The following SLC44A1 variants were observed in gnomAD, a reference collection of about 807,000 sequenced individuals.
The protein encoded by SLC44A1 is solute carrier family 44 member 1.
Under a neutral mutation model 79.3 loss-of-function variants are expected in SLC44A1, and 26 were observed. The observed-to-expected ratio is 0.33, with a 90% CI of 0.24 to 0.46. The LOEUF is 0.46. Among genes scored for constraint, SLC44A1 ranks in the 20% least tolerant of loss-of-function variants. SLC44A1 has a pLI of 1.00. For missense variants in SLC44A1, 688 were observed against 798.1 expected (o/e 0.86, Z 1.66); for synonymous variants, 263 against 286.2 (o/e 0.92, Z 0.82).
At chr9:105,250,022 A>G (rs922063015) in intron 1 of SLC44A1, among the ~76,000 whole-genome samples, 2 of 151,424 alleles carry the variant, frequency 1.3e-5, no homozygotes, top group East Asian at 3.9e-4. Flanking sequence ...GCACGAGCTC[A>G]CGCCTGGCTA....
intron 1 of SLC44A1, among the ~76,000 whole-genome samples, chr9:105,285,146 T>C (rs1397555934): frequency 6.6e-6 from 1 of 152,232 alleles, no homozygotes; most frequent in Non-Finnish European, 1.5e-5. Flanking sequence ...ATATTGTGTT[T>C]AATCACTCAT....
intron 1 of SLC44A1, among the ~76,000 whole-genome samples, chr9:105,280,574 TCCA>T (rs1564412091): frequency 2.0e-5 from 3 of 152,314 alleles, no homozygotes; most frequent in African/African-American, 7.2e-5. Flanking sequence ...CAAAATAAAT[TCCA>T]TGAAACCATA....
intron 4 of SLC44A1, among the ~76,000 whole-genome samples, chr9:105,339,243 A>G (rs1009973631): frequency 2.0e-5 from 3 of 151,946 alleles, no homozygotes; most frequent in Non-Finnish European, 4.4e-5. Flanking sequence ...AAAAAAAAAC[A>G]CTGAAAATCA....
At chr9:105,387,714 G>A (rs985150853) in intron 15 of SLC44A1, among the ~76,000 whole-genome samples, 2 of 152,074 alleles carry the variant, frequency 1.3e-5, no homozygotes, top group African/African-American at 4.8e-5. Context: ...GAAATATTTC[G>A]AGGTTGAAGA....
chr9:105,284,743 A>G (rs1198298106), intron 1 of SLC44A1, among the ~76,000 whole-genome samples: 1 of 152,202 alleles, frequency 6.6e-6, no homozygotes, highest in Non-Finnish European at 1.5e-5. Context: ...GAAGTGGCCA[A>G]TGTGGACCCT....
chr9:105,318,205 A>G (rs1050438955), intron 3 of SLC44A1, among the ~76,000 whole-genome samples: 1 of 151,210 alleles, frequency 6.6e-6, no homozygotes, highest in African/African-American at 2.5e-5. Context: ...TTTGAGATGG[A>G]GTCTCGCCCT....
At chr9:105,349,592 G>A (rs565280196) in intron 5 of SLC44A1, among the ~76,000 whole-genome samples, 2 of 152,224 alleles carry the variant, frequency 1.3e-5, no homozygotes, top group Admixed American at 1.3e-4. Flanking sequence ...CAACAGCTAC[G>A]GAGATTACAT....
chr9:105,262,024 TC>T (rs1254142099), intron 1 of SLC44A1, among the ~76,000 whole-genome samples: 1 of 152,076 alleles, frequency 6.6e-6, no homozygotes, highest in East Asian at 1.9e-4. Flanking sequence ...CCTCAGGTGA[TC>T]CGCCTGCGTT....
chr9:105,271,682 C>T (rs1320539315), intron 1 of SLC44A1, among the ~76,000 whole-genome samples: 1 of 152,082 alleles, frequency 6.6e-6, no homozygotes, highest in Non-Finnish European at 1.5e-5. Context: ...GGTGCAATCT[C>T]AGCACACGGC....
At chr9:105,371,340 C>T (rs548193687) in intron 12 of SLC44A1, among the ~76,000 whole-genome samples, 66 of 152,290 alleles carry the variant, frequency 4.3e-4, no homozygotes, top group Middle Eastern at 3.4e-3. Flanking sequence ...GGATCTTTCA[C>T]GACGGCACAG....
chr9:105,362,659 A>G (rs1827816371), intron 8 of SLC44A1, among the ~76,000 whole-genome samples, 162 bp from the exon 9 acceptor site: 1 of 152,220 alleles, frequency 6.6e-6, no homozygotes, highest in Non-Finnish European at 1.5e-5. Flanking sequence ...TAAAATTGAC[A>G]ATAAATATTG....
intron 14 of SLC44A1, among the ~76,000 whole-genome samples, chr9:105,384,242 G>A (rs902487306): frequency 6.6e-6 from 1 of 151,706 alleles, no homozygotes; most frequent in Non-Finnish European, 1.5e-5. Flanking sequence ...CTGCAGTGCA[G>A]TGGCATGGTC....
intron 14 of SLC44A1, among the ~76,000 whole-genome samples, chr9:105,384,243 T>G (rs1177252169): frequency 6.6e-6 from 1 of 152,046 alleles, no homozygotes; most frequent in East Asian, 1.9e-4. Flanking sequence ...TGCAGTGCAG[T>G]GGCATGGTCT....
chr9:105,254,147 G>T (rs1419843049), intron 1 of SLC44A1, among the ~76,000 whole-genome samples: 1 of 152,192 alleles, frequency 6.6e-6, no homozygotes, highest in Non-Finnish European at 1.5e-5. Flanking sequence ...TAGCTTTCAG[G>T]TTGGTTAGTT....
chr9:105,372,253 G>A lies in SLC44A1; in HGVS notation c.1495-2345G>A, dbSNP rs1000476316. 2.6e-5 allele frequency among the ~76,000 whole-genome samples: 4 copies of A among 152,156 alleles called. No individual in the cohort carries two copies. In the East Asian group the frequency reaches 7.7e-4, roughly 29 times the overall value. On this transcript the variant is annotated intron_variant, in intron 12 of 15. Coordinates refer to ENST00000374720, the MANE Select transcript of SLC44A1 (RefSeq NM_080546.5). ...AACAAACTTCCCCAATTTGTATGAT[G>A]GAATTCTATATATCAAAATCATACT...
Position 105,356,244 on chromosome 9 carries a change from C to T in SLC44A1, c.533C>T (p.Pro178Leu). 6.2e-7 allele frequency: 1 copy of T among 1,613,806 alleles called. No individual in the cohort carries two copies. Among genetic ancestry groups the T allele is most frequent in the Non-Finnish European group, 8.5e-7 (1 of 1,179,882 alleles). Reference protein sequence around the residue: ...APIPFFHRCAPVNISCYAKFA... With the variant: ...APIPFFHRCALVNISCYAKFA... ...ATTCCATTCTTCCATCGCTGTGCTCCTGTGAACATTTCCTGCTATGCCAAG... is the reference window on the plus strand; with the variant it reads ...ATTCCATTCTTCCATCGCTGTGCTCTTGTGAACATTTCCTGCTATGCCAAG... Residue 178 changes from proline to leucine, a missense_variant, in exon 6 of 16, where the codon CCT becomes CTT. Pro to Leu is a moderately conservative substitution (Grantham distance 98, BLOSUM62 -3). Transcript: ENST00000374720.
chr9:105,301,742 G>A (rs1319272072), intron 2 of SLC44A1, among the ~76,000 whole-genome samples: 1 of 152,098 alleles, frequency 6.6e-6, no homozygotes, highest in Admixed American at 6.6e-5. Flanking sequence ...AGTATAGCAA[G>A]GTTAAATATT....
chr9:105,278,066 CT>C (rs577705418), intron 1 of SLC44A1, among the ~76,000 whole-genome samples: 7,836 of 143,692 alleles, frequency 0.055, 589 homozygotes, highest in African/African-American at 0.18. Flanking sequence ...TTGCAGCCTT[CT>C]TTTTTTTTTT....
intron 7 of SLC44A1, 24 bp downstream of exon 7, chr9:105,358,457 T>A (rs1039533052): frequency 3.2e-6 from 4 of 1,246,006 alleles, no homozygotes; most frequent in Admixed American, 1.7e-5. Flanking sequence ...TTCTTTGTTT[T>A]CTACCTCAGC....
Sources: gnomAD v4.1 joint callset for allele counts (sites outside exome capture counted in the v4.1 genomes callset) on GRCh38, gnomAD v4.1.1 for gene constraint, MANE v1.5 for transcripts, NCBI Gene and HGNC (gene_info 2026-07-23, HGNC 2026-07-21) for gene names.